PBX4: variants seen among roughly 807,000 people sequenced by gnomAD.
PBX4 encodes pre-B-cell leukemia transcription factor 4.
Under a neutral mutation model 35.1 loss-of-function variants are expected in PBX4, and 26 were observed. The observed-to-expected ratio is 0.74, with a 90% CI of 0.54 to 1.03. The LOEUF (loss-of-function observed/expected upper bound fraction) is 1.03. PBX4 is among the 50% of genes least tolerant of loss of function. PBX4 has a pLI of 0.00. For missense variants in PBX4, 448 were observed against 504.3 expected (o/e 0.89, Z 1.07); for synonymous variants, 199 against 204.2 (o/e 0.97, Z 0.22).
intron 2 of PBX4, among the ~76,000 whole-genome samples, chr19:19,595,077 A>G (rs575281645): frequency 2.0e-5 from 3 of 152,262 alleles, no homozygotes; most frequent in African/African-American, 7.2e-5. Flanking sequence ...CAGATGTTGC[A>G]TTGCTAAACA....
chr19:19,593,698 T>G lies in PBX4; in HGVS notation c.193+5594A>C, dbSNP rs1049852947. Among the ~76,000 whole-genome samples, 10 of 152,272 alleles carry G rather than the reference T, an allele frequency of 6.6e-5. 1 individual carries two copies. In the South Asian group the frequency reaches 1.4e-3, roughly 22 times the overall value. ...AGTTGCTGTCTCATCCCTGTCCTAC[T>G]GTACCCCAAAACATACCCTGTACCC... is the stretch of plus-strand genomic sequence containing the variant. On this transcript the variant is annotated intron_variant, in intron 2 of 7. Coordinates refer to ENST00000251203, the MANE Select transcript of PBX4 (RefSeq NM_025245.3).
chr19:19,611,742 G>T (rs1237955257), intron 1 of PBX4, among the ~76,000 whole-genome samples: 1 of 151,232 alleles, frequency 6.6e-6, no homozygotes, highest in Non-Finnish European at 1.5e-5. Flanking sequence ...GAAAACCTAT[G>T]CAGGCATTGC....
intron 2 of PBX4, among the ~76,000 whole-genome samples, chr19:19,575,154 G>C (rs940211876): frequency 6.6e-6 from 1 of 151,462 alleles, no homozygotes; most frequent in Non-Finnish European, 1.5e-5. Context: ...GGAGAATGGC[G>C]TGCACCCGGG....
chr19:19,570,361 G>A, intron 3 of PBX4, 62 bp from the exon 4 acceptor site: 3 of 1,533,638 alleles, frequency 2.0e-6, no homozygotes, highest in Non-Finnish European at 2.6e-6. Context: ...CAGGGCAGCA[G>A]GTTCCACAGC....
At chr19:19,594,657 G>A (rs1359219771) in intron 2 of PBX4, among the ~76,000 whole-genome samples, 5 of 152,128 alleles carry the variant, frequency 3.3e-5, no homozygotes, top group South Asian at 2.1e-4. Context: ...TTGGTTTCTC[G>A]TTCAGCCCCA....
intron 1 of PBX4, among the ~76,000 whole-genome samples, chr19:19,605,157 C>T (rs907810716): frequency 6.6e-6 from 1 of 151,292 alleles, no homozygotes; most frequent in African/African-American, 2.4e-5. Flanking sequence ...GTGGCTCACG[C>T]CTGGAATCCC....
intron 1 of PBX4, among the ~76,000 whole-genome samples, chr19:19,599,738 C>T (rs1216146675): frequency 6.6e-6 from 1 of 151,830 alleles, no homozygotes; most frequent in African/African-American, 2.4e-5. Flanking sequence ...TTTGGGAGGC[C>T]AAGGCAGGCG....
At chr19:19,564,009 T>C (rs1356361462) in intron 6 of PBX4, among the ~76,000 whole-genome samples, 3 of 152,046 alleles carry the variant, frequency 2.0e-5, no homozygotes, top group African/African-American at 4.8e-5. Context: ...ATTATTATTA[T>C]ACTTTAAGTT....
chr19:19,564,818 C>T, intron 6 of PBX4, 115 bp downstream of exon 6: 1 of 1,308,886 alleles, frequency 7.6e-7, no homozygotes, highest in Non-Finnish European at 1.1e-6. Flanking sequence ...GAAAGAGTTA[C>T]ACAGAGTTGA....
At chr19:19,583,677 C>T (rs887640702) in intron 2 of PBX4, among the ~76,000 whole-genome samples, 1 of 152,056 alleles carries the variant, frequency 6.6e-6, no homozygotes, top group Admixed American at 6.6e-5. Context: ...TGGTCAGGCA[C>T]GGTAGCTCAT....
chr19:19,588,024 G>C (rs2061501702), intron 2 of PBX4: 1 of 585,820 alleles, frequency 1.7e-6, no homozygotes, highest in African/African-American at 1.9e-5. Context: ...GTAATAGTAG[G>C]CATCTTTTCT....
At position 19,599,362 on chromosome 19, in the gene PBX4, C is replaced by A. The variant is rs1021296680; in HGVS notation, c.123G>T (p.Lys41Asn). 1 of 1,612,916 alleles carries A rather than the reference C, an allele frequency of 6.2e-7. No individual in the cohort carries two copies. Among genetic ancestry groups the A allele is most frequent in the Non-Finnish European group, 8.5e-7 (1 of 1,179,114 alleles). The part of the protein sequence containing the change: ...DQSLDEAQAR[K>N]HALNCHRMKP... ...TCATCCGATGGCAATTCAGAGCATG[C>A]TTTCTGAAAGGGAGGTGACAGAGGA... Residue 41 changes from lysine to asparagine, a missense_variant, in exon 2 of 8, where the codon AAG (lysine) becomes AAT (asparagine). By Grantham distance (94) the Lys-to-Asn change is moderately conservative. Coordinates refer to ENST00000251203, the MANE Select transcript of PBX4 (RefSeq NM_025245.3).
intron 1 of PBX4, among the ~76,000 whole-genome samples, chr19:19,600,505 C>T (rs1377460973): frequency 1.3e-5 from 2 of 149,438 alleles, no homozygotes; most frequent in Non-Finnish European, 1.5e-5. Flanking sequence ...GCCAGCATAA[C>T]AGAGGCCTTG....
At chr19:19,617,303 C>G (rs1201829512) in intron 1 of PBX4, among the ~76,000 whole-genome samples, 20 of 152,088 alleles carry the variant, frequency 1.3e-4, no homozygotes, top group Non-Finnish European at 2.5e-4. Context: ...GCTACCATGC[C>G]TGGCTTATAC....
intron 1 of PBX4, 108 bp downstream of exon 1, chr19:19,618,403 C>A: frequency 9.5e-7 from 1 of 1,057,416 alleles, no homozygotes; most frequent in Non-Finnish European, 1.2e-6. Context: ...CCCCCTCCAG[C>A]CCTCCTCAAG....
intron 2 of PBX4, 115 bp downstream of exon 2, chr19:19,599,177 C>A: frequency 1.2e-6 from 1 of 816,822 alleles, no homozygotes; most frequent in South Asian, 1.4e-5. Flanking sequence ...CCATGTTGGT[C>A]AGGCTGGTCT....
chr19:19,580,537 G>T (rs2061447496), intron 2 of PBX4, among the ~76,000 whole-genome samples: 1 of 152,210 alleles, frequency 6.6e-6, no homozygotes, highest in Admixed American at 6.5e-5. Context: ...CAGAAGGAGA[G>T]CTCAACTTCC....
At chr19:19,567,811 GCTCACACTCCACAGCATCCCCCAGGGAA>G (rs2061352223) in intron 5 of PBX4, among the ~76,000 whole-genome samples, 2 of 151,242 alleles carry the variant, frequency 1.3e-5, no homozygotes, top group South Asian at 4.2e-4. Flanking sequence ...ACCTCAGGGG[GCTCACACTCCACAGCATCCCCCAGGGAA>G]CTCACACTCC....
At chr19:19,565,207 C>T (rs908797813) in intron 5 of PBX4, 118 bp from the exon 6 acceptor site, 4 of 1,237,194 alleles carry the variant, frequency 3.2e-6, no homozygotes, top group Non-Finnish European at 3.5e-6. Flanking sequence ...AACACTGCAC[C>T]CTGGGGCTAT....
Sources: allele counts gnomAD v4.1 joint callset (sites outside exome capture counted in the v4.1 genomes callset), GRCh38; gene constraint gnomAD v4.1.1; transcripts MANE v1.5; gene names NCBI Gene and HGNC (gene_info 2026-07-23, HGNC 2026-07-21).